PRKN: variants seen among roughly 807,000 people sequenced by gnomAD.
PRKN encodes the protein parkin RBR E3 ubiquitin protein ligase.
In PRKN, 56 loss-of-function variants were observed where a neutral mutation model predicts 59.5. That is an observed-to-expected ratio of 0.94 (90% CI 0.76 to 1.18). PRKN has a LOEUF of 1.18. PRKN is among the 50% of genes most tolerant of loss of function. The pLI is 0.00. For missense variants in PRKN, 657 were observed against 596.4 expected (o/e 1.10, Z -1.06); for synonymous variants, 250 against 222.1 (o/e 1.13, Z -1.12).
chr6:162,017,007 T>C (rs1782958611), intron 5 of PRKN, among the ~76,000 whole-genome samples: 1 of 152,128 alleles, frequency 6.6e-6, no homozygotes, highest in African/African-American at 2.4e-5. Flanking sequence ...AACATCCGCC[T>C]CTCTCCCGGG....
intron 10 of PRKN, among the ~76,000 whole-genome samples, chr6:161,367,564 G>T (rs775483196): frequency 1.3e-5 from 2 of 151,564 alleles, no homozygotes; most frequent in Non-Finnish European, 2.9e-5. Flanking sequence ...TAACTTAGAA[G>T]TCAAAGTTCA....
At chr6:161,392,339 G>A (rs910355037) in intron 9 of PRKN, among the ~76,000 whole-genome samples, 8 of 151,828 alleles carry the variant, frequency 5.3e-5, no homozygotes, top group Non-Finnish European at 1.0e-4. Flanking sequence ...AGCCAAGATT[G>A]TGCCATTGCA....
At chr6:162,241,535 T>C (rs1264826920) in intron 3 of PRKN, among the ~76,000 whole-genome samples, 1 of 152,058 alleles carries the variant, frequency 6.6e-6, no homozygotes, top group African/African-American at 2.4e-5. Context: ...AATTATAATA[T>C]CTAGGTCTTA....
rs74526936 is a variant in PRKN, at chr6:161,669,116, T to C, written c.872-99700A>G. 4.2e-3 allele frequency among the ~76,000 whole-genome samples: 634 copies of C among 152,270 alleles called. 7 individuals carry two copies. Among genetic ancestry groups the C allele is most frequent in the African/African-American group, 0.015 (604 of 41,564 alleles). On this transcript the variant is annotated intron_variant, in intron 7 of 11. Coordinates refer to ENST00000366898, the MANE Select transcript of PRKN (RefSeq NM_004562.3). ...GAGAGAGCTCATCTGCCACTTTCAC[T>C]ATGGGAAGTCACAGCAAAAAGACAC...
At chr6:161,917,700 C>G (rs898332425) in intron 6 of PRKN, among the ~76,000 whole-genome samples, 2 of 152,168 alleles carry the variant, frequency 1.3e-5, no homozygotes, top group Non-Finnish European at 2.9e-5. Flanking sequence ...CAGCATAATA[C>G]TAGACACAAA....
chr6:161,786,031 G>T, intron 6 of PRKN, 123 bp from the exon 7 acceptor site: 1 of 957,442 alleles, frequency 1.0e-6, no homozygotes, highest in Non-Finnish European at 1.6e-6. Flanking sequence ...AAAGACCGGA[G>T]CTGCTAAGCA....
At chr6:161,899,229 T>C (rs906790920) in intron 6 of PRKN, among the ~76,000 whole-genome samples, 2 of 152,216 alleles carry the variant, frequency 1.3e-5, no homozygotes, top group South Asian at 4.1e-4. Flanking sequence ...CATAAATATA[T>C]TTCCCATTGT....
intron 1 of PRKN, among the ~76,000 whole-genome samples, chr6:162,503,158 T>C (rs1793449896): frequency 6.7e-6 from 1 of 148,696 alleles, no homozygotes; most frequent in Admixed American, 6.7e-5. Context: ...TTTTTTTTTT[T>C]TGTTGGCCGG....
intron 2 of PRKN, among the ~76,000 whole-genome samples, chr6:162,317,980 C>T (rs1454075264): frequency 6.6e-6 from 1 of 151,896 alleles, no homozygotes; most frequent in East Asian, 2.0e-4. Flanking sequence ...TAAGCATATT[C>T]ACATTGTTGT....
chr6:162,118,133 C>T (rs188073826), intron 4 of PRKN, among the ~76,000 whole-genome samples: 54 of 151,730 alleles, frequency 3.6e-4, no homozygotes, highest in Non-Finnish European at 3.4e-4. Context: ...ATGATTGGGC[C>T]GGGCGCAGTG....
At chr6:161,779,394 C>T in intron 7 of PRKN, among the ~76,000 whole-genome samples, 1 of 131,826 alleles carries the variant, frequency 7.6e-6, no homozygotes, top group Admixed American at 7.8e-5. Flanking sequence ...TGATCCTATT[C>T]TTTCCTTTCC....
intron 4 of PRKN, among the ~76,000 whole-genome samples, chr6:162,131,414 AT>A (rs918926994): frequency 6.6e-6 from 1 of 152,220 alleles, no homozygotes; most frequent in African/African-American, 2.4e-5. Flanking sequence ...CCAGGTTTCT[AT>A]AAAAATCAGC....
At chr6:162,125,842 G>A (rs1213350987) in intron 4 of PRKN, among the ~76,000 whole-genome samples, 2 of 152,180 alleles carry the variant, frequency 1.3e-5, no homozygotes, top group Non-Finnish European at 2.9e-5. Context: ...GCTAAGACAT[G>A]TCTTGTCTAG....
chr6:162,374,277 T>G (rs1469410467), intron 2 of PRKN, among the ~76,000 whole-genome samples: 1 of 152,174 alleles, frequency 6.6e-6, no homozygotes, highest in African/African-American at 2.4e-5. Context: ...GATAGTGGGT[T>G]TTGTAAAGTG....
At chr6:162,354,134 T>A (rs1436131771) in intron 2 of PRKN, among the ~76,000 whole-genome samples, 1 of 152,184 alleles carries the variant, frequency 6.6e-6, no homozygotes, top group Non-Finnish European at 1.5e-5. Flanking sequence ...TGTTATGTAT[T>A]CCTGTGACAT....
At chr6:161,489,141 C>T (rs945517012) in intron 9 of PRKN, among the ~76,000 whole-genome samples, 1 of 152,106 alleles carries the variant, frequency 6.6e-6, no homozygotes, top group African/African-American at 2.4e-5. Flanking sequence ...CTTCCTATCC[C>T]TCCCTTCCTT....
At chr6:161,501,437 T>C (rs1777960041) in intron 9 of PRKN, among the ~76,000 whole-genome samples, 1 of 152,244 alleles carries the variant, frequency 6.6e-6, no homozygotes. Flanking sequence ...AGGTTTCTGT[T>C]CAGCTCTTTT....
At chr6:161,691,165 C>T (rs1583011749) in intron 7 of PRKN, among the ~76,000 whole-genome samples, 2 of 152,236 alleles carry the variant, frequency 1.3e-5, no homozygotes, top group South Asian at 4.1e-4. Context: ...CTCCAGAGAG[C>T]CTTAACATAC....
At chr6:162,722,591 T>C (rs564709564) in intron 1 of PRKN, among the ~76,000 whole-genome samples, 1 of 152,316 alleles carries the variant, frequency 6.6e-6, no homozygotes, top group South Asian at 2.1e-4. Context: ...TAAGAAACAA[T>C]TTTCATTGAT....
Sources: gnomAD v4.1 joint callset for allele counts (sites outside exome capture counted in the v4.1 genomes callset) on GRCh38, gnomAD v4.1.1 for gene constraint, MANE v1.5 for transcripts, NCBI Gene and HGNC (gene_info 2026-07-23, HGNC 2026-07-21) for gene names.